IGF2BP2: variants seen among roughly 807,000 people sequenced by gnomAD.
IGF2BP2 encodes insulin-like growth factor 2 mRNA-binding protein 2.
Under a neutral mutation model 75.8 loss-of-function variants are expected in IGF2BP2, and 17 were observed. The ratio of observed to expected loss-of-function variants is 0.22; its 90% CI spans 0.15 to 0.34. IGF2BP2 has a LOEUF of 0.34. Among genes scored for constraint, IGF2BP2 ranks in the 10% least tolerant of loss-of-function variants. The probability of loss-of-function intolerance (pLI) is 1.00; values close to 1 mark genes in which losing one functional copy is unlikely to be tolerated. For missense variants in IGF2BP2, 516 were observed against 772.4 expected (o/e 0.67, Z 3.93); for synonymous variants, 288 against 295.6 (o/e 0.97, Z 0.26).
intron 10 of IGF2BP2, among the ~76,000 whole-genome samples, chr3:185,662,080 G>A (rs554576526): frequency 1.3e-4 from 20 of 152,260 alleles, no homozygotes; most frequent in Admixed American, 5.2e-4. Context: ...CAGGACAGAC[G>A]CCCTTGACGG....
chr3:185,814,307 A>G (rs1740314810), intron 2 of IGF2BP2, among the ~76,000 whole-genome samples: 1 of 152,188 alleles, frequency 6.6e-6, no homozygotes, highest in Non-Finnish European at 1.5e-5. Context: ...GGCACAAAAC[A>G]TTGTACTTCA....
intron 2 of IGF2BP2, chr3:185,716,518 C>A (rs761586740): frequency 1.7e-5 from 9 of 520,114 alleles, no homozygotes; most frequent in South Asian, 1.1e-4. Context: ...GGGAAGTGGG[C>A]TGCTTTATCC....
chr3:185,666,225 A>T (rs932743472), intron 10 of IGF2BP2, among the ~76,000 whole-genome samples: 1 of 152,244 alleles, frequency 6.6e-6, no homozygotes, highest in Admixed American at 6.5e-5. Context: ...TCAAATAAGT[A>T]ACTCAAAAAT....
rs1312477160 is a variant in IGF2BP2, at chr3:185,677,034, TATATATGGAG to T, written c.813-1131_813-1122del. 3.0e-4 allele frequency among the ~76,000 whole-genome samples: 29 copies of T among 95,462 alleles called. No homozygotes were observed. In the East Asian group the frequency reaches 7.5e-3, roughly 25 times the overall value. The allele number at this position is 95,462 out of a possible 152,430, so 62.6% of individuals were successfully genotyped here. A position where few individuals can be genotyped will look rare whatever the true frequency, so the allele number is the denominator to read the frequency against. On this transcript the variant is annotated intron_variant, in intron 7 of 15. Coordinates refer to ENST00000382199, the MANE Select transcript of IGF2BP2 (RefSeq NM_006548.6). ...TTATATATATGGAGAGAGATATATA[TATATATGGAG>T]ATATATATATATATATATATATATA... is the stretch of plus-strand genomic sequence containing the variant.
In IGF2BP2 at chr3:185,667,650, G is replaced by T. The variant is rs572441070; in HGVS notation, c.1200+4891C>A. Among the ~76,000 whole-genome samples the T allele has an allele frequency of 2.6e-5, 4 of 152,326 alleles. No individual in the cohort carries two copies. The East Asian group carries it at 7.7e-4, about 29-fold the overall frequency. ...CATGAATTCTGGTGGAGAGAAATCT[G>T]TGAATATTTAAAATGCATATACCCT... On this transcript the variant is annotated intron_variant, in intron 10 of 15. Coordinates refer to ENST00000382199, the MANE Select transcript of IGF2BP2 (RefSeq NM_006548.6).
intron 2 of IGF2BP2, among the ~76,000 whole-genome samples, chr3:185,798,170 C>T (rs1186111477): frequency 6.6e-6 from 1 of 152,090 alleles, no homozygotes; most frequent in East Asian, 1.9e-4. Context: ...CACTGCACTC[C>T]TGGGCAGAAG....
intron 12 of IGF2BP2, among the ~76,000 whole-genome samples, chr3:185,656,486 A>G (rs892597054): frequency 2.0e-5 from 3 of 152,238 alleles, no homozygotes; most frequent in African/African-American, 7.2e-5. Context: ...AAGTGTAAGC[A>G]TTCTTTCTCT....
chr3:185,696,368 A>G (rs150157209), intron 4 of IGF2BP2: 7 of 522,480 alleles, frequency 1.3e-5, no homozygotes, highest in Non-Finnish European at 2.4e-5. Flanking sequence ...ACTGCACAGT[A>G]TATGAGAAAC....
intron 2 of IGF2BP2, among the ~76,000 whole-genome samples, chr3:185,725,251 T>C (rs1359818102): frequency 6.6e-6 from 1 of 152,204 alleles, no homozygotes; most frequent in African/African-American, 2.4e-5. Flanking sequence ...GTTTGTTACA[T>C]AGCAACAGAT....
rs529178730 is a variant in IGF2BP2, at chr3:185,711,575, A to G, written c.240-13228T>C. On this transcript the variant is annotated intron_variant, in intron 2 of 15. Transcript: ENST00000382199. ...CAGCACCATTAGCTGAGCAGGCTCC[A>G]GCAGGACCCACCAGCAGAGAGGTGC... is the stretch of plus-strand genomic sequence containing the variant. Among the ~76,000 whole-genome samples the G allele has an allele frequency of 7.2e-5, 11 of 152,360 alleles. No individual in the cohort carries two copies. In the East Asian group the frequency reaches 1.7e-3, roughly 24 times the overall value.
In IGF2BP2 at chr3:185,645,490, G is replaced by A. The variant is rs374766653; in HGVS notation, c.*41C>T. 9.5e-6 allele frequency: 13 copies of A among 1,364,774 alleles called. No individual in the cohort carries two copies. Among genetic ancestry groups the A allele is most frequent in the Middle Eastern group, 2.1e-4 (1 of 4,814 alleles). 84.5% of individuals were successfully genotyped at this position (1,364,774 alleles called of 1,614,324 possible). On this transcript the variant is annotated 3_prime_UTR_variant, in exon 16 of 16. Coordinates refer to ENST00000382199, the MANE Select transcript of IGF2BP2 (RefSeq NM_006548.6). The surrounding 1 kb of genome is among the most constrained non-coding windows in gnomAD (Gnocchi z 4.9). The stretch of plus-strand genomic sequence containing the variant: ...GTCTCATTCTGTCAGGTGTTGGAAG[G>A]GCTACATTCATCCGTTGTTTTGCTG...
intron 14 of IGF2BP2, 83 bp downstream of exon 14, chr3:185,649,320 C>T (rs542518803): frequency 1.3e-6 from 2 of 1,556,444 alleles, no homozygotes; most frequent in East Asian, 2.2e-5. Context: ...ACAGAAGGCG[C>T]CAAGGGGAGA....
intron 2 of IGF2BP2, among the ~76,000 whole-genome samples, chr3:185,700,734 T>C (rs1723177194): frequency 6.6e-6 from 1 of 152,320 alleles, no homozygotes; most frequent in East Asian, 1.9e-4. Context: ...AACTCACGAA[T>C]GAGCACAGAG....
intron 2 of IGF2BP2, among the ~76,000 whole-genome samples, chr3:185,712,934 G>A (rs907442039): frequency 6.6e-6 from 1 of 152,152 alleles, no homozygotes; most frequent in Non-Finnish European, 1.5e-5. Flanking sequence ...AAAACAGGAA[G>A]CTTTACGCTT....
chr3:185,764,750 A>C (rs927669970), intron 2 of IGF2BP2, among the ~76,000 whole-genome samples: 4 of 152,186 alleles, frequency 2.6e-5, no homozygotes, highest in Non-Finnish European at 4.4e-5. Flanking sequence ...ACTGCCTGTG[A>C]GTAAGAAATC....
chr3:185,718,782 G>C (rs1726067277), intron 2 of IGF2BP2, among the ~76,000 whole-genome samples: 1 of 151,216 alleles, frequency 6.6e-6, no homozygotes, highest in Non-Finnish European at 1.5e-5. Context: ...AAGCAGGGAA[G>C]AGCAAAGCCA....
chr3:185,644,520 T>G lies in IGF2BP2; in HGVS notation c.*1011A>C, dbSNP rs1403396913. On this transcript the variant is annotated 3_prime_UTR_variant, in exon 16 of 16. Coordinates refer to ENST00000382199, the MANE Select transcript of IGF2BP2 (RefSeq NM_006548.6). ...GTTCTTTTGAGTAACCAAGTGTAAG[T>G]TGAGGCTGGTTTGTGTGTTTCGCTT... is the stretch of plus-strand genomic sequence containing the variant. The G allele has an allele frequency of 6.8e-6, 1 of 147,476 alleles. No homozygotes were observed. Among genetic ancestry groups the G allele is most frequent in the Non-Finnish European group, 1.5e-5 (1 of 66,888 alleles). 9.1% of individuals were successfully genotyped at this position (147,476 alleles called of 1,614,324 possible).
chr3:185,686,099 A>T (rs1721088056), intron 7 of IGF2BP2, among the ~76,000 whole-genome samples: 1 of 152,178 alleles, frequency 6.6e-6, no homozygotes, highest in East Asian at 1.9e-4. Context: ...AATAAGGGGA[A>T]AGGGCTGGAC....
intron 2 of IGF2BP2, among the ~76,000 whole-genome samples, chr3:185,807,253 A>C (rs1177105053): frequency 6.6e-6 from 1 of 152,212 alleles, no homozygotes; most frequent in African/African-American, 2.4e-5. Context: ...TCTTCAGGGG[A>C]AAGAAAGGTG....
Sources: gnomAD v4.1 joint callset for allele counts (sites outside exome capture counted in the v4.1 genomes callset) on GRCh38, gnomAD v4.1.1 for gene constraint, Gnocchi (gnomAD v3.1) non-coding constraint, MANE v1.5 for transcripts, NCBI Gene and HGNC (gene_info 2026-07-23, HGNC 2026-07-21) for gene names.